GPHN: variants seen among roughly 807,000 people sequenced by gnomAD.
GPHN encodes gephyrin.
Under a neutral mutation model 95.5 loss-of-function variants are expected in GPHN, and 17 were observed. The observed-to-expected ratio is 0.18, with a 90% confidence interval of 0.12 to 0.27. The LOEUF is 0.27. Ranked by LOEUF, GPHN falls within the 10% of genes least tolerant of loss-of-function variation. The pLI, the probability that GPHN is intolerant of heterozygous loss-of-function variation, is 1.00. For missense variants in GPHN, 660 were observed against 978.1 expected, an observed-to-expected ratio of 0.67 and a Z score of 4.34; for synonymous variants, 320 against 322.5, an observed-to-expected ratio of 0.99 and a Z score of 0.08.
At chr14:67,154,536 A>C (rs1269406777) in intron 18 of GPHN, among the ~76,000 whole-genome samples, 1 of 152,204 alleles carries the variant, frequency 6.6e-6, no homozygotes, top group East Asian at 1.9e-4. Flanking sequence ...ATAGGCACTC[A>C]GAAATGTTTG....
the GPHN span, among the ~76,000 whole-genome samples, chr14:67,194,655 G>A: frequency 2.0e-5 from 3 of 152,128 alleles, no homozygotes; most frequent in East Asian, 1.9e-4. Flanking sequence ...ACAGGCATGC[G>A]CCACCACACC....
At chr14:67,531,893 C>A in the GPHN span, among the ~76,000 whole-genome samples, 197 of 53,586 alleles carry the variant, frequency 3.7e-3, no homozygotes, top group Non-Finnish European at 5.4e-3. Flanking sequence ...GAGAACAGAA[C>A]AAGAAGAACC....
chr14:66,510,107 G>C (rs1232875802), intron 1 of GPHN, among the ~76,000 whole-genome samples: 1 of 152,138 alleles, frequency 6.6e-6, no homozygotes, highest in Non-Finnish European at 1.5e-5. Flanking sequence ...CTCTTCTTTT[G>C]GTCCTGAAAC....
At chr14:66,781,223 CTTT>C (rs764447609) in intron 3 of GPHN, among the ~76,000 whole-genome samples, 8 of 141,740 alleles carry the variant, frequency 5.6e-5, no homozygotes, top group Non-Finnish European at 4.7e-5. Flanking sequence ...TGACTTCTTT[CTTT>C]TTTTTTTTTT....
the GPHN span, among the ~76,000 whole-genome samples, chr14:67,318,157 C>A: frequency 6.6e-6 from 1 of 152,052 alleles, no homozygotes; most frequent in East Asian, 1.9e-4. Flanking sequence ...TAGAAGCAAC[C>A]CAAATAATAA....
At chr14:67,523,181 G>A in the GPHN span, among the ~76,000 whole-genome samples, 1 of 152,218 alleles carries the variant, frequency 6.6e-6, no homozygotes, top group East Asian at 1.9e-4. Context: ...AAATTAGCTG[G>A]GTGTGGTGGC....
At chr14:67,570,429 C>A in the GPHN span, 1 of 300,930 alleles carries the variant, frequency 3.3e-6, no homozygotes, top group Non-Finnish European at 4.9e-6. Context: ...ATTTTTGTCT[C>A]TGTTACTGGT....
chr14:67,096,171 A>C (rs919207139), intron 12 of GPHN, among the ~76,000 whole-genome samples: 1 of 152,170 alleles, frequency 6.6e-6, no homozygotes, highest in Admixed American at 6.5e-5. Flanking sequence ...AGCTAGCAAT[A>C]TAGAGACACA....
At chr14:67,260,105 A>G in the GPHN span, among the ~76,000 whole-genome samples, 2 of 152,222 alleles carry the variant, frequency 1.3e-5, no homozygotes, top group African/African-American at 4.8e-5. Context: ...GAACTTATGC[A>G]TCTCTCTAAT....
chr14:67,592,313 A>G, the GPHN span: 1 of 436,880 alleles, frequency 2.3e-6, no homozygotes, highest in Non-Finnish European at 4.2e-6. Flanking sequence ...GATGGTGCAC[A>G]CCTGTAGTCC....
chr14:67,395,814 G>A, the GPHN span, among the ~76,000 whole-genome samples: 1 of 152,082 alleles, frequency 6.6e-6, no homozygotes, highest in African/African-American at 2.4e-5. Flanking sequence ...GTTACTGTAG[G>A]GCCTGCCTCC....
intron 10 of GPHN, among the ~76,000 whole-genome samples, chr14:67,035,806 A>G (rs139473773): frequency 1.3e-5 from 2 of 152,088 alleles, no homozygotes; most frequent in African/African-American, 2.4e-5. Context: ...AGATGGCTTC[A>G]CTAGAGAATT....
chr14:67,365,794 A>T, the GPHN span, among the ~76,000 whole-genome samples: 20 of 152,298 alleles, frequency 1.3e-4, no homozygotes, highest in East Asian at 1.5e-3. Context: ...GAATCTCCTC[A>T]GCCGTCTGGT....
the GPHN span, chr14:67,656,670 T>C: frequency 6.9e-7 from 1 of 1,439,926 alleles, no homozygotes; most frequent in South Asian, 1.4e-5. Flanking sequence ...ACCTTCCCCA[T>C]GTTAGAAGGG....
chr14:67,195,456 C>T, the GPHN span, among the ~76,000 whole-genome samples: 6 of 152,264 alleles, frequency 3.9e-5, no homozygotes, highest in South Asian at 1.0e-3. Context: ...CTTTCGCTAT[C>T]CCAGCAGCCA....
intron 1 of GPHN, among the ~76,000 whole-genome samples, chr14:66,624,843 AT>A (rs1204813390): frequency 6.6e-6 from 1 of 152,212 alleles, no homozygotes; most frequent in Non-Finnish European, 1.5e-5. Flanking sequence ...GGATTAAGTT[AT>A]GATATCTTTT....
the GPHN span, among the ~76,000 whole-genome samples, chr14:67,287,963 G>A: frequency 1.3e-5 from 2 of 152,184 alleles, no homozygotes; most frequent in Non-Finnish European, 1.5e-5. Context: ...AGGTTGAAGA[G>A]ACCCAGTAGG....
At chr14:66,995,471 C>T (rs1301452098) in intron 9 of GPHN, among the ~76,000 whole-genome samples, 1 of 152,134 alleles carries the variant, frequency 6.6e-6, no homozygotes, top group African/African-American at 2.4e-5. Flanking sequence ...CTTTTTCGCA[C>T]AACTCTTTCT....
At chr14:66,786,956 AC>A (rs2059798873) in intron 3 of GPHN, among the ~76,000 whole-genome samples, 1 of 152,140 alleles carries the variant, frequency 6.6e-6, no homozygotes, top group Non-Finnish European at 1.5e-5. Flanking sequence ...AAAATTGGAA[AC>A]AAAGCAATAA....
Sources: allele counts gnomAD v4.1 joint callset (sites outside exome capture counted in the v4.1 genomes callset), GRCh38; gene constraint gnomAD v4.1.1; transcripts MANE v1.5; gene names NCBI Gene and HGNC (gene_info 2026-07-23, HGNC 2026-07-21).